The following IL9R variants were observed in gnomAD, a reference collection of about 807,000 sequenced individuals.
IL9R encodes the protein interleukin 9 receptor, also known as interleukin-9 receptor.
IL9R carries 54 observed loss-of-function variants against 56.3 expected under a neutral mutation model. The observed-to-expected ratio is 0.96, with a 90% confidence interval of 0.77 to 1.20. The LOEUF (loss-of-function observed/expected upper bound fraction) is 1.20, where lower values mean the gene tolerates loss of function less well. IL9R is among the 50% of genes most tolerant of loss of function. The pLI is 0.00. For synonymous variants in IL9R, 212 were observed against 250.2 expected (o/e 0.85, Z 1.44); for missense variants, 545 against 629.8 (o/e 0.87, Z 1.44).
chrX:155,998,192 G>A (rs186938131), intron 1 of IL9R, among the ~76,000 whole-genome samples: 59 of 152,132 alleles, frequency 3.9e-4, no homozygotes, highest in African/African-American at 1.3e-3. Context: ...CTGAGGTCTA[G>A]GCCCAGGGCT....
chrX:156,002,578 C>T (rs2067608052), intron 1 of IL9R, among the ~76,000 whole-genome samples: 1 of 152,204 alleles, frequency 6.6e-6, no homozygotes, highest in Non-Finnish European at 1.5e-5. Flanking sequence ...GATGGGCTGG[C>T]AGAGGATGAC....
At chrX:156,006,851 C>A (rs2068001398) in intron 7 of IL9R, among the ~76,000 whole-genome samples, 1 of 150,110 alleles carries the variant, frequency 6.7e-6, no homozygotes, top group Non-Finnish European at 1.5e-5. Context: ...ATTGCTGGGA[C>A]AAGGGGACAT....
chrX:156,002,396 A>T (rs1286158042), intron 1 of IL9R, among the ~76,000 whole-genome samples: 1 of 152,134 alleles, frequency 6.6e-6, no homozygotes, highest in African/African-American at 2.4e-5. Flanking sequence ...TGGGCAAGTC[A>T]TTTCCCCTCC....
Position 156,010,212 on chromosome X carries a change from C to T in IL9R, c.1369C>T (p.Leu457Phe). The T allele has an allele frequency of 1.4e-6, 2 of 1,382,898 alleles. No homozygotes were observed. The highest frequency in any genetic ancestry group is 1.9e-6 in the Non-Finnish European group (2 of 1,053,924). The allele number at this position is 1,382,898 out of a possible 1,614,324, so 85.7% of individuals were successfully genotyped here. Residue 457 changes from leucine to phenylalanine, a missense_variant, in exon 9 of 9, where the codon CTC (leucine) becomes TTC (phenylalanine). Coordinates refer to ENST00000244174, the MANE Select transcript of IL9R (RefSeq NM_002186.3). ...CTATGGGGGATGGCACCTCTCAGCCCTCCCAGGAAACACACAGAGCTCTGG... is the reference window on the plus strand; with the variant it reads ...CTATGGGGGATGGCACCTCTCAGCCTTCCCAGGAAACACACAGAGCTCTGG... ...GCYGGWHLSA[L>F]PGNTQSSGPI... is the part of the protein sequence containing the mutation.
chrX:156,001,972 C>A (rs1302792636), intron 1 of IL9R, among the ~76,000 whole-genome samples: 1 of 152,164 alleles, frequency 6.6e-6, no homozygotes, highest in African/African-American at 2.4e-5. Flanking sequence ...TGCATGGATA[C>A]CCTGCTGCCA....
chrX:155,998,009 G>A (rs964682288), intron 1 of IL9R, among the ~76,000 whole-genome samples: 41 of 152,168 alleles, frequency 2.7e-4, no homozygotes, highest in Non-Finnish European at 8.8e-5. Context: ...TTCCAGTCCT[G>A]TAGGGGTCAT....
At chrX:156,000,283 C>A (rs2067432194) in intron 1 of IL9R, among the ~76,000 whole-genome samples, 1 of 152,030 alleles carries the variant, frequency 6.6e-6, no homozygotes, top group Admixed American at 6.6e-5. Context: ...TGGACTGCCT[C>A]CATGATGGTG....
chrX:156,004,378 A>G, intron 4 of IL9R, 42 bp from the exon 5 acceptor site: 1 of 1,611,026 alleles, frequency 6.2e-7, no homozygotes. Context: ...ACACACCCAG[A>G]CCCATGGGGC....
intron 1 of IL9R, among the ~76,000 whole-genome samples, chrX:156,000,825 A>C (rs953012648): frequency 1.3e-5 from 2 of 152,136 alleles, no homozygotes; most frequent in African/African-American, 2.4e-5. Flanking sequence ...GGTGCCTCGC[A>C]GGCACTGCCC....
intron 1 of IL9R, among the ~76,000 whole-genome samples, chrX:155,998,466 C>T (rs1195927477): frequency 2.6e-5 from 4 of 152,072 alleles, no homozygotes; most frequent in Non-Finnish European, 5.9e-5. Context: ...CCTCCTCTCC[C>T]CTCCCTGCCC....
At chrX:156,003,647 C>G in intron 3 of IL9R, 30 bp from the exon 4 acceptor site, 1 of 1,611,966 alleles carries the variant, frequency 6.2e-7, no homozygotes, top group Non-Finnish European at 8.5e-7. Context: ...AGTGTAGCAG[C>G]CCCGTGGTGC....
At chrX:156,009,311 TG>T (rs2068310820) in intron 8 of IL9R, among the ~76,000 whole-genome samples, 1 of 150,584 alleles carries the variant, frequency 6.6e-6, no homozygotes, top group Non-Finnish European at 1.5e-5. Flanking sequence ...TGTGTGTGTC[TG>T]TGTGTGTTTA....
intron 1 of IL9R, among the ~76,000 whole-genome samples, chrX:156,000,805 T>C (rs1345045228): frequency 6.6e-6 from 1 of 152,168 alleles, no homozygotes; most frequent in East Asian, 1.9e-4. Flanking sequence ...TGCTGGGGCA[T>C]GTGCTGAGTG....
rs1356123318 is a variant in IL9R at position 156,006,100 on chromosome X, T to G, written c.799T>G (p.Trp267Gly). The change falls in exon 7 of 9, where the codon TGG (tryptophan) becomes GGG (glycine). Residue 267 changes from tryptophan (W) to glycine (G), a missense_variant. Trp to Gly is a radical substitution (Grantham distance 184). This residue lies in a region of IL9R where 431 missense variants were observed against 360.0 expected (regional missense o/e 1.20). Coordinates refer to ENST00000244174, the MANE Select transcript of IL9R (RefSeq NM_002186.3). ...PQRQGPLIPP[W>G]GWPGNTLVAV... ...GTCCACAGGCCCTCTGATCCCACCC[T>G]GGGGGTGGCCAGGCAACACCCTTGT... 2 of 1,599,926 alleles carry G rather than the reference T, an allele frequency of 1.3e-6. No homozygotes were observed. Among genetic ancestry groups the G allele is most frequent in the Non-Finnish European group, 1.7e-6 (2 of 1,169,238 alleles).
chrX:156,002,759 G>A (rs761108180), intron 1 of IL9R, 147 bp from the exon 2 acceptor site: 253 of 1,136,666 alleles, frequency 2.2e-4, no homozygotes, highest in South Asian at 1.8e-3. Context: ...GGTCCAGGAC[G>A]CTGGACACTG....
chrX:156,002,166 AC>A (rs1392040628), intron 1 of IL9R, among the ~76,000 whole-genome samples: 1 of 148,794 alleles, frequency 6.7e-6, no homozygotes, highest in Non-Finnish European at 1.5e-5. Flanking sequence ...ACATGGTGAA[AC>A]CCCGTCTCTA....
chrX:156,003,388 C>T, intron 2 of IL9R, 61 bp from the exon 3 acceptor site: 2 of 1,182,558 alleles, frequency 1.7e-6, no homozygotes. Flanking sequence ...CCTCCCCAAC[C>T]CCCGAGCTCA....
In IL9R at chrX:156,010,036, C is replaced by T. The variant is rs752430594; in HGVS notation, c.1193C>T (p.Thr398Met). The T allele has an allele frequency of 5.3e-5, 83 of 1,551,976 alleles. 1 individual carries two copies. Among genetic ancestry groups the T allele is most frequent in the Admixed American group, 6.9e-5 (4 of 58,220 alleles). ...GAGGATGTGCTGCCAGCAGGGTGTA[C>T]GGAGTGGAGGGTACAGACGCTTGCC... ...SSEDVLPAGC[T>M]EWRVQTLAYL... The change falls in exon 9 of 9, where the codon ACG (threonine) becomes ATG (methionine). Residue 398 changes from threonine (T) to methionine (M), a missense_variant. This residue lies in a region of IL9R where 114 missense variants were observed against 269.8 expected (regional missense o/e 0.42). Coordinates refer to ENST00000244174, the MANE Select transcript of IL9R (RefSeq NM_002186.3).
intron 1 of IL9R, among the ~76,000 whole-genome samples, chrX:155,998,702 G>A (rs1025155789): frequency 1.3e-5 from 2 of 152,192 alleles, no homozygotes; most frequent in African/African-American, 4.8e-5. Context: ...AGAAGCAAGG[G>A]CAGCCTCTGC....
Sources: allele counts gnomAD v4.1 joint callset (sites outside exome capture counted in the v4.1 genomes callset), GRCh38; gene constraint gnomAD v4.1.1; regional missense constraint gnomAD v4.1.1; transcripts MANE v1.5; gene names NCBI Gene and HGNC (gene_info 2026-07-23, HGNC 2026-07-21).